HIVEP3: variants seen among roughly 807,000 people sequenced by gnomAD.
HIVEP3 encodes the protein HIVEP zinc finger 3.
A neutral mutation model predicts 152.8 loss-of-function variants in HIVEP3; 49 were observed. The ratio of observed to expected loss-of-function variants is 0.32; its 90% CI spans 0.26 to 0.41. The LOEUF (loss-of-function observed/expected upper bound fraction) is 0.41, where lower values mean the gene tolerates loss of function less well. Ranked by LOEUF, HIVEP3 falls within the 10% of genes least tolerant of loss-of-function variation. The pLI, the probability that HIVEP3 is intolerant of heterozygous loss-of-function variation, is 1.00. For synonymous variants in HIVEP3, 1,269 were observed against 1,289.0 expected (o/e 0.98, Z 0.33); for missense variants, 2,790 against 3,103.3 (o/e 0.90, Z 2.40).
At chr1:41,573,152 GA>G (rs1344475123) in intron 5 of HIVEP3, among the ~76,000 whole-genome samples, 1 of 151,936 alleles carries the variant, frequency 6.6e-6, no homozygotes, top group African/African-American at 2.4e-5. Context: ...TATTAAAAAA[GA>G]AAGAAAAAAA....
At chr1:41,709,655 G>C (rs560740429) in intron 1 of HIVEP3, among the ~76,000 whole-genome samples, 35 of 152,244 alleles carry the variant, frequency 2.3e-4, no homozygotes, top group Non-Finnish European at 4.4e-4. Flanking sequence ...CTGAGGACTG[G>C]AGTTCATGTG....
chr1:41,659,150 C>T (rs1645674177), intron 2 of HIVEP3, among the ~76,000 whole-genome samples: 1 of 152,206 alleles, frequency 6.6e-6, no homozygotes. Flanking sequence ...GGTCCCTAGC[C>T]CAGCTCCTTT....
intron 2 of HIVEP3, among the ~76,000 whole-genome samples, chr1:41,677,798 C>T (rs1429838306): frequency 6.6e-6 from 1 of 152,188 alleles, no homozygotes; most frequent in Non-Finnish European, 1.5e-5. Flanking sequence ...TCAGGTGAGT[C>T]CGCAGGAACA....
intron 1 of HIVEP3, among the ~76,000 whole-genome samples, chr1:41,971,493 G>C (rs145166095): frequency 9.9e-5 from 15 of 152,196 alleles, no homozygotes; most frequent in Non-Finnish European, 1.9e-4. Flanking sequence ...TTCATGTCAA[G>C]GTACACACAG....
chr1:41,806,202 C>T (rs1251989275), intron 1 of HIVEP3, among the ~76,000 whole-genome samples: 2 of 152,238 alleles, frequency 1.3e-5, no homozygotes, highest in Non-Finnish European at 2.9e-5. Context: ...CCCTCTCAGC[C>T]TGCACCAGCA....
intron 1 of HIVEP3, among the ~76,000 whole-genome samples, chr1:41,940,730 A>T (rs1388884756): frequency 6.6e-6 from 1 of 152,118 alleles, no homozygotes; most frequent in Non-Finnish European, 1.5e-5. Context: ...GCCTCTAAAG[A>T]AAAAAATTGA....
intron 1 of HIVEP3, among the ~76,000 whole-genome samples, chr1:42,024,101 T>C (rs921593206): frequency 6.6e-6 from 1 of 152,214 alleles, no homozygotes; most frequent in Admixed American, 6.5e-5. Flanking sequence ...ATACAGCAAG[T>C]CCTCTGACTT....
intron 1 of HIVEP3, among the ~76,000 whole-genome samples, chr1:41,835,993 C>T (rs1021576915): frequency 2.0e-5 from 3 of 152,296 alleles, no homozygotes; most frequent in African/African-American, 7.2e-5. Context: ...TGATATTTGT[C>T]TTTCTAGATT....
chr1:41,949,557 A>C (rs752357641), intron 1 of HIVEP3, among the ~76,000 whole-genome samples: 3 of 152,180 alleles, frequency 2.0e-5, no homozygotes, highest in Non-Finnish European at 2.9e-5. Flanking sequence ...GTCACCGAGA[A>C]AGTTAAAGAA....
rs79633139 is a variant in HIVEP3 at position 41,626,758 on chromosome 1, G to C, written c.-522+1991C>G. Among the ~76,000 whole-genome samples the C allele has an allele frequency of 5.0e-3, 754 of 152,246 alleles. 2 individuals are homozygous for C. Among genetic ancestry groups the C allele is most frequent in the African/African-American group, 0.017 (703 of 41,542 alleles). Reference sequence around the variant, plus strand: ...GAAGTGCCCCAGGATGCCGAGCCAGGGGCATGCTGGGGCATTACAGCATGA... The same window carrying C: ...GAAGTGCCCCAGGATGCCGAGCCAGCGGCATGCTGGGGCATTACAGCATGA... On this transcript the variant is annotated intron_variant, in intron 3 of 8. Coordinates refer to ENST00000372583, the MANE Select transcript of HIVEP3 (RefSeq NM_024503.5).
intron 2 of HIVEP3, among the ~76,000 whole-genome samples, chr1:41,634,273 A>G (rs1469736919): frequency 6.6e-6 from 1 of 152,260 alleles, no homozygotes. Context: ...ACAAATGTTG[A>G]TAATCATGAT....
At chr1:41,968,720 A>C (rs1483584503) in intron 1 of HIVEP3, among the ~76,000 whole-genome samples, 5 of 152,216 alleles carry the variant, frequency 3.3e-5, no homozygotes, top group Admixed American at 6.5e-5. Context: ...GCAATTAGGC[A>C]AGAGAAAGAA....
chr1:41,942,861 T>C (rs955331107), intron 1 of HIVEP3, among the ~76,000 whole-genome samples: 1 of 152,144 alleles, frequency 6.6e-6, no homozygotes, highest in African/African-American at 2.4e-5. Flanking sequence ...TACTTTTTAA[T>C]ATAAACAGGA....
intron 6 of HIVEP3, among the ~76,000 whole-genome samples, chr1:41,523,673 C>T (rs1642824060): frequency 6.6e-6 from 1 of 152,186 alleles, no homozygotes; most frequent in Non-Finnish European, 1.5e-5. Context: ...GCTGCCCAGC[C>T]TCGCTTGCTG....
At chr1:42,005,340 C>T (rs1299534829) in intron 1 of HIVEP3, among the ~76,000 whole-genome samples, 1 of 152,130 alleles carries the variant, frequency 6.6e-6, no homozygotes, top group Non-Finnish European at 1.5e-5. Flanking sequence ...CACGCACGCA[C>T]ACATACATAT....
Position 41,963,270 on chromosome 1 carries a change from C to T in HIVEP3, n.120-44746G>A, listed in dbSNP as rs142983814. ...TCGTGATCCGCCTGCCTCGGCCTCC[C>T]AAAGTGCTGGGATTACGGGCGTGAG... On this transcript the variant is annotated intron_variant and non_coding_transcript_variant, in intron 1 of 3. Coordinates refer to the HIVEP3 transcript ENST00000489103. Among the ~76,000 whole-genome samples the T allele has an allele frequency of 1.3e-3, 195 of 152,298 alleles. 2 individuals are homozygous for T. Among genetic ancestry groups the T allele is most frequent in the East Asian group, 8.3e-3 (43 of 5,178 alleles).
At chr1:41,655,740 C>T (rs573593880) in intron 2 of HIVEP3, among the ~76,000 whole-genome samples, 12 of 152,222 alleles carry the variant, frequency 7.9e-5, no homozygotes, top group African/African-American at 2.4e-4. Context: ...CCTTTGTTCA[C>T]GATTGGCCTC....
intron 5 of HIVEP3, among the ~76,000 whole-genome samples, chr1:41,558,612 C>A (rs367944742): frequency 1.5e-4 from 23 of 152,330 alleles, no homozygotes; most frequent in African/African-American, 5.3e-4. Context: ...CCCCTGAAGA[C>A]TCCACCCTGG....
intron 1 of HIVEP3, among the ~76,000 whole-genome samples, chr1:41,715,141 G>A (rs932651598): frequency 6.6e-5 from 10 of 152,160 alleles, no homozygotes; most frequent in African/African-American, 2.2e-4. Context: ...AACCCCAGCC[G>A]GAGGCACCTC....
Sources: gnomAD v4.1 joint callset for allele counts (sites outside exome capture counted in the v4.1 genomes callset) on GRCh38, gnomAD v4.1.1 for gene constraint, MANE v1.5 for transcripts, NCBI Gene and HGNC (gene_info 2026-07-23, HGNC 2026-07-21) for gene names.